KRT19: variants seen among roughly 807,000 people sequenced by gnomAD.
KRT19 encodes the protein keratin, type I cytoskeletal 19.
In KRT19, 21 loss-of-function variants were observed where a neutral mutation model predicts 34.6. That is an observed-to-expected ratio of 0.61 (90% CI 0.43 to 0.87). The LOEUF (loss-of-function observed/expected upper bound fraction) is 0.87. Ranked by LOEUF, KRT19 falls within the 40% of genes least tolerant of loss-of-function variation. KRT19 has a pLI of 0.00. For missense variants in KRT19, 514 were observed against 545.7 expected (o/e 0.94, Z 0.58); for synonymous variants, 240 against 245.8 (o/e 0.98, Z 0.22).
intron 1 of KRT19, among the ~76,000 whole-genome samples, 160 bp downstream of exon 1, chr17:41,527,668 C>T (rs1905913828): frequency 6.6e-6 from 1 of 152,222 alleles, no homozygotes; most frequent in Non-Finnish European, 1.5e-5. Context: ...GAGGTCCTGC[C>T]CCGCACGTCT....
At chr17:41,524,646 C>T in intron 3 of KRT19, 106 bp from the exon 4 acceptor site, 1 of 1,352,204 alleles carries the variant, frequency 7.4e-7, no homozygotes, top group Non-Finnish European at 1.0e-6. Flanking sequence ...TTTTCAGGTG[C>T]AGGCCTAGTA....
chr17:41,528,064 C>T lies in KRT19; in HGVS notation c.184G>A (p.Gly62Ser), dbSNP rs751812653. 1 of 1,609,984 alleles carries T rather than the reference C, an allele frequency of 6.2e-7. No individual in the cohort carries two copies. The highest frequency in any genetic ancestry group is 8.5e-7 in the Non-Finnish European group (1 of 1,177,640). ...FVSSSSSGAYGGGYGGVLTAS... is the reference protein window; with the variant it reads ...FVSSSSSGAYSGGYGGVLTAS... ...GTCAGGACGCCGCCGTAGCCGCCGC[C>T]GTAGGCCCCCGAGGAGGACGAGGAC... The change falls in exon 1 of 6, where the codon GGC becomes AGC. Residue 62 changes from glycine to serine, a missense_variant. Transcript: ENST00000361566.
rs1905948201 is a variant in KRT19, at chr17:41,528,240, G to A, written c.8C>T (p.Ser3Phe). ...GGCCGACGACTGGCGATAGCTGTAG[G>A]AAGTCATGGCGAGGCGGAGCACGGA... Reference protein sequence around the residue: MTSYSYRQSSATS... With the variant: MTFYSYRQSSATS... Residue 3 changes from serine to phenylalanine, a missense_variant, in exon 1 of 6, where the codon TCC (serine) becomes TTC (phenylalanine). Transcript: ENST00000361566. 6.4e-7 allele frequency: 1 copy of A among 1,560,718 alleles called. No homozygotes were observed. The highest frequency in any genetic ancestry group is 1.2e-5 in the South Asian group (1 of 84,310).
chr17:41,527,728 G>T, intron 1 of KRT19, 100 bp downstream of exon 1: 1 of 1,326,398 alleles, frequency 7.5e-7, no homozygotes, highest in Non-Finnish European at 1.0e-6. Context: ...ACGTCCTAAC[G>T]GGCTCCTGCC....
At chr17:41,525,430 G>C (rs955703516) in intron 1 of KRT19, 157 bp from the exon 2 acceptor site, 1 of 655,374 alleles carries the variant, frequency 1.5e-6, no homozygotes, top group African/African-American at 1.8e-5. Flanking sequence ...CGCTCTCTGG[G>C]AGGCCTTGCA....
rs1010567437 is a variant in KRT19 at position 41,528,210 on chromosome 17, G to T, written c.38C>A (p.Ser13Ter). 1.9e-6 allele frequency: 3 copies of T among 1,580,894 alleles called. No homozygotes were observed. Among genetic ancestry groups the T allele is most frequent in the East Asian group, 2.2e-5 (1 of 44,560 alleles). The change falls in exon 1 of 6, where the codon TCG becomes TAG. Residue 13 changes from serine to a stop codon, truncating the protein, a stop_gained. Transcript: ENST00000361566. LOFTEE classifies it high-confidence loss of function. ...GCCGCCGCCCAGGCCTCCGAAGGAC[G>T]ACGTGGCCGACGACTGGCGATAGCT... is the stretch of plus-strand genomic sequence containing the variant. Reference protein sequence around the residue: ...SYSYRQSSATSSFGGLGGGSV... With the variant: ...SYSYRQSSAT
In KRT19 at chr17:41,528,260, C is replaced by A; in HGVS notation, c.-13G>T. ...TGTAGGAAGTCATGGCGAGGCGGAG[C>A]ACGGACGGAGCAACCCTGGTCTCAG... On this transcript the variant is annotated 5_prime_UTR_variant, in exon 1 of 6. Coordinates refer to ENST00000361566, the MANE Select transcript of KRT19 (RefSeq NM_002276.5). 6.5e-7 allele frequency: 1 copy of A among 1,541,656 alleles called. No individual in the cohort carries two copies.
chr17:41,524,165 T>C lies in KRT19; in HGVS notation c.926A>G (p.Glu309Gly). The C allele has an allele frequency of 1.2e-6, 2 of 1,613,950 alleles. No homozygotes were observed. The highest frequency in any genetic ancestry group is 1.1e-5 in the South Asian group (1 of 91,046). ...TACCATGCTCAGCTGTGACTGCAGCTCAATCTCAAGACCCTGAAGGGTGCG... is the reference window on the plus strand; with the variant it reads ...TACCATGCTCAGCTGTGACTGCAGCCCAATCTCAAGACCCTGAAGGGTGCG... ...LRRTLQGLEI[E>G]LQSQLSMKAA... Residue 309 changes from glutamate to glycine, a missense_variant, in exon 5 of 6, where the codon GAG (glutamate) becomes GGG (glycine). Coordinates refer to ENST00000361566, the MANE Select transcript of KRT19 (RefSeq NM_002276.5).
Position 41,524,409 on chromosome 17 carries a change from C to G in KRT19, c.792G>C (p.Arg264=). The change falls in exon 4 of 6, where the codon CGG becomes CGC. Residue 264 remains arginine, a synonymous_variant. Transcript: ENST00000361566. ...SQYEVMAEQN[R]KDAEAWFTSR... is the part of the protein sequence containing the mutation. ...TGGTGAACCAGGCTTCAGCATCCTT[C>G]CGGTTCTGCTCGGCCATGACCTCAT... The G allele has an allele frequency of 1.9e-6, 3 of 1,614,264 alleles. No homozygotes were observed. Among genetic ancestry groups the G allele is most frequent in the Non-Finnish European group, 2.5e-6 (3 of 1,180,042 alleles).
rs146228111 is a variant in KRT19 at position 41,524,976 on chromosome 17, C to T, written c.527G>A (p.Arg176His). Residue 176 changes from arginine (R) to histidine (H), a missense_variant, in exon 3 of 6, where the codon CGC becomes CAC. Physicochemically the swap from Arg to His is conservative, Grantham distance 29. Coordinates refer to ENST00000361566, the MANE Select transcript of KRT19 (RefSeq NM_002276.5). ...GTTGATGTCGGCCTCCACGCTCATG[C>T]GCAGAGCCTGTTCCGTCTCAAACCT... ...RTKFETEQAL[R>H]MSVEADINGL... 4.7e-5 allele frequency: 76 copies of T among 1,614,066 alleles called. No homozygotes were observed. The highest frequency in any genetic ancestry group is 6.3e-5 in the Non-Finnish European group (74 of 1,179,998).
intron 1 of KRT19, among the ~76,000 whole-genome samples, chr17:41,525,866 A>G (rs925439727): frequency 6.6e-6 from 1 of 152,330 alleles, no homozygotes; most frequent in East Asian, 1.9e-4. Context: ...TTATCATTGA[A>G]TAAGGTAATT....
intron 2 of KRT19, 43 bp downstream of exon 2, chr17:41,525,148 C>T (rs1905816345): frequency 1.9e-6 from 3 of 1,576,092 alleles, no homozygotes; most frequent in African/African-American, 2.7e-5. Flanking sequence ...CCAACCCCTA[C>T]CCCAGTCCTG....
chr17:41,525,370 C>A, intron 1 of KRT19, 97 bp from the exon 2 acceptor site: 1 of 933,002 alleles, frequency 1.1e-6, no homozygotes, highest in South Asian at 1.3e-5. Context: ...TGAATATACC[C>A]CGGCACCCTA....
rs540509578 is a variant in KRT19, at chr17:41,527,253, C to T, written c.420+575G>A. On this transcript the variant is annotated intron_variant, in intron 1 of 5. Coordinates refer to ENST00000361566, the MANE Select transcript of KRT19 (RefSeq NM_002276.5). ...CCTCCTTTACCCCGCCCAGGGGCCA[C>T]GACCGGCTCTCCCATTCTTCCTAAA... Among the ~76,000 whole-genome samples the T allele has an allele frequency of 5.9e-5, 9 of 152,324 alleles. No individual in the cohort carries two copies. The East Asian group carries it at 1.4e-3, about 23-fold the overall frequency.
rs776779854 is a variant in KRT19, at chr17:41,524,969, G to A, written c.534C>T (p.Ser178=). 6.8e-6 allele frequency: 11 copies of A among 1,614,212 alleles called. No individual in the cohort carries two copies. The highest frequency in any genetic ancestry group is 2.2e-5 in the East Asian group (1 of 44,884). The change falls in exon 3 of 6, where the codon AGC becomes AGT. Residue 178 remains serine (S), a synonymous_variant. Transcript: ENST00000361566. ...GCAGGCCGTTGATGTCGGCCTCCAC[G>A]CTCATGCGCAGAGCCTGTTCCGTCT... ...KFETEQALRM[S]VEADINGLRR...
chr17:41,526,282 A>G (rs1489649607), intron 1 of KRT19, among the ~76,000 whole-genome samples: 1 of 151,864 alleles, frequency 6.6e-6, no homozygotes, highest in Admixed American at 6.6e-5. Flanking sequence ...CCGATTGTGT[A>G]GTTTTTTAAT....
chr17:41,524,291 G>C, intron 4 of KRT19, 23 bp from the exon 5 acceptor site: 2 of 1,612,850 alleles, frequency 1.2e-6, no homozygotes, highest in Non-Finnish European at 1.7e-6. Context: ...GAAGAAGAGG[G>C]AATAAGCATT....
intron 1 of KRT19, 120 bp downstream of exon 1, chr17:41,527,707 TG>T: frequency 9.1e-7 from 1 of 1,099,534 alleles, no homozygotes; most frequent in Non-Finnish European, 1.3e-6. Context: ...GCCCCACCTG[TG>T]GACCTTCCCA....
chr17:41,526,886 A>G (rs930982729), intron 1 of KRT19, among the ~76,000 whole-genome samples: 2 of 152,100 alleles, frequency 1.3e-5, no homozygotes, highest in African/African-American at 4.8e-5. Context: ...GTAGGTCACA[A>G]TTTTACAAGT....
Sources: allele counts gnomAD v4.1 joint callset (sites outside exome capture counted in the v4.1 genomes callset), GRCh38; gene constraint gnomAD v4.1.1; transcripts MANE v1.5; gene names NCBI Gene and HGNC (gene_info 2026-07-23, HGNC 2026-07-21).